TLN2: variants seen among roughly 807,000 people sequenced by gnomAD.
TLN2 encodes talin 2.
A neutral mutation model predicts 294.7 loss-of-function variants in TLN2; 118 were observed. The observed-to-expected ratio is 0.40, with a 90% CI of 0.34 to 0.47. The LOEUF (loss-of-function observed/expected upper bound fraction) is 0.47, where lower values mean the gene tolerates loss of function less well. TLN2 is among the 20% of genes least tolerant of loss of function. TLN2 has a pLI of 0.84. For synonymous variants in TLN2, 1,431 were observed against 1,304.5 expected, an observed-to-expected ratio of 1.10 and a Z score of -2.09; for missense variants, 3,083 against 3,282.2, an observed-to-expected ratio of 0.94 and a Z score of 1.48.
At chr15:62,705,941 T>G (rs1449785228) in intron 19 of TLN2, among the ~76,000 whole-genome samples, 1 of 152,248 alleles carries the variant, frequency 6.6e-6, no homozygotes, top group Non-Finnish European at 1.5e-5. Context: ...TCAGCTTACT[T>G]GATAGATTCA....
chr15:62,644,169 C>T (rs1317987032), intron 3 of TLN2, among the ~76,000 whole-genome samples: 1 of 150,842 alleles, frequency 6.6e-6, no homozygotes, highest in Non-Finnish European at 1.5e-5. Context: ...CCGCCCCGCC[C>T]CCATCCCACT....
At chr15:62,631,537 C>T (rs1282083606) in intron 3 of TLN2, among the ~76,000 whole-genome samples, 12 of 72,972 alleles carry the variant, frequency 1.6e-4, no homozygotes, top group African/African-American at 8.5e-4. Flanking sequence ...CTTTCCTTTC[C>T]TTTCCTTTCC....
At chr15:62,738,840 C>T (rs1237967313) in intron 30 of TLN2, among the ~76,000 whole-genome samples, 3 of 152,198 alleles carry the variant, frequency 2.0e-5, no homozygotes, top group African/African-American at 4.8e-5. Flanking sequence ...CTCCCTAGAA[C>T]TTTTCACAAA....
intron 19 of TLN2, among the ~76,000 whole-genome samples, chr15:62,703,258 A>G (rs1016029027): frequency 6.6e-6 from 1 of 151,942 alleles, no homozygotes; most frequent in Non-Finnish European, 1.5e-5. Flanking sequence ...GCACGCCACC[A>G]TGCCCGGCTA....
At chr15:62,782,970 A>G (rs1019552967) in intron 44 of TLN2, among the ~76,000 whole-genome samples, 13 of 152,190 alleles carry the variant, frequency 8.5e-5, no homozygotes, top group Non-Finnish European at 1.6e-4. Context: ...TTTTGTGAGA[A>G]TTTAGAGGTA....
intron 54 of TLN2, among the ~76,000 whole-genome samples, chr15:62,825,125 T>C (rs1305009043): frequency 6.6e-6 from 1 of 152,134 alleles, no homozygotes; most frequent in Non-Finnish European, 1.5e-5. Context: ...TCTGGAATCC[T>C]TCTCCATTGA....
chr15:62,596,843 A>C (rs559759027), intron 2 of TLN2, among the ~76,000 whole-genome samples: 2 of 152,352 alleles, frequency 1.3e-5, no homozygotes, highest in South Asian at 4.1e-4. Flanking sequence ...AGTGAAAAGC[A>C]ACAGCATCTT....
At chr15:62,420,896 C>G (rs2034353218) in intron 1 of TLN2, among the ~76,000 whole-genome samples, 1 of 152,160 alleles carries the variant, frequency 6.6e-6, no homozygotes, top group Admixed American at 6.5e-5. Context: ...GGTAATCACT[C>G]CAGCACCTGG....
chr15:62,478,743 C>CT (rs1179994191), intron 1 of TLN2, among the ~76,000 whole-genome samples: 2 of 152,210 alleles, frequency 1.3e-5, no homozygotes, highest in Non-Finnish European at 2.9e-5. Flanking sequence ...ATGTCAAAGA[C>CT]AATCTCCAAG....
At chr15:62,467,429 A>G (rs1354991992) in intron 1 of TLN2, among the ~76,000 whole-genome samples, 3 of 152,194 alleles carry the variant, frequency 2.0e-5, no homozygotes. Context: ...GTGGTGGCTC[A>G]CGCCTGTAAT....
At chr15:62,537,151 TG>T (rs754617292) in intron 1 of TLN2, among the ~76,000 whole-genome samples, 20 of 152,038 alleles carry the variant, frequency 1.3e-4, no homozygotes, top group Non-Finnish European at 2.4e-4. Context: ...CCCGAGTAGC[TG>T]GGACTACAGG....
chr15:62,578,436 G>T lies in TLN2; in HGVS notation c.-237-11251G>T, dbSNP rs2044623995. Among the ~76,000 whole-genome samples, 5 of 152,134 alleles carry T rather than the reference G, an allele frequency of 3.3e-5. No homozygotes were observed. In the South Asian group the frequency reaches 1.0e-3, roughly 32 times the overall value. ...ACAAAAATTAACCAGGTGTGGTGGT[G>T]CATGACTGTAATCCCAGCTTCTCGG... On this transcript the variant is annotated intron_variant, in intron 1 of 58. Transcript: ENST00000636159.
chr15:62,839,864 G>C (rs941150608), intron 58 of TLN2, among the ~76,000 whole-genome samples: 4 of 152,218 alleles, frequency 2.6e-5, no homozygotes, highest in African/African-American at 9.7e-5. Context: ...CCCTGCCCTG[G>C]TAATAATGAT....
chr15:62,405,790 G>T (rs1257241571), intron 1 of TLN2, among the ~76,000 whole-genome samples: 1 of 152,164 alleles, frequency 6.6e-6, no homozygotes, highest in East Asian at 1.9e-4. Context: ...GGCTGCGCAG[G>T]GATGGATTTT....
chr15:62,423,222 C>T (rs767444322), intron 1 of TLN2, among the ~76,000 whole-genome samples: 1 of 152,014 alleles, frequency 6.6e-6, no homozygotes, highest in African/African-American at 2.4e-5. Context: ...GGCGACACCT[C>T]GTCTCTACAA....
chr15:62,695,772 C>G (rs1362739142), intron 14 of TLN2, among the ~76,000 whole-genome samples: 2 of 152,224 alleles, frequency 1.3e-5, no homozygotes, highest in East Asian at 3.9e-4. Context: ...CACCTTAAGT[C>G]TTTGGAATTA....
chr15:62,732,352 G>A (rs1413351187), intron 28 of TLN2, among the ~76,000 whole-genome samples: 1 of 152,176 alleles, frequency 6.6e-6, no homozygotes, highest in Non-Finnish European at 1.5e-5. Context: ...GCACTGGAAG[G>A]CAGTTGCATA....
chr15:62,595,704 C>T (rs1018732193), intron 2 of TLN2, among the ~76,000 whole-genome samples: 3 of 152,126 alleles, frequency 2.0e-5, no homozygotes, highest in African/African-American at 7.2e-5. Context: ...ATGTGGTATA[C>T]ATACACAGTG....
chr15:62,684,825 A>C (rs1200929180), intron 11 of TLN2, among the ~76,000 whole-genome samples: 1 of 150,610 alleles, frequency 6.6e-6, no homozygotes, highest in Non-Finnish European at 1.5e-5. Flanking sequence ...TGATGATACC[A>C]GTGTTTTGGA....
Sources: gnomAD v4.1 joint callset for allele counts (sites outside exome capture counted in the v4.1 genomes callset) on GRCh38, gnomAD v4.1.1 for gene constraint, MANE v1.5 for transcripts, NCBI Gene and HGNC (gene_info 2026-07-23, HGNC 2026-07-21) for gene names.